Variants in ADAMTS19 observed in about 807,000 individuals in gnomAD.
ADAMTS19 encodes A disintegrin and metalloproteinase with thrombospondin motifs 19.
In ADAMTS19, 93 loss-of-function variants were observed where a neutral mutation model predicts 153.3. That is an observed-to-expected ratio of 0.61 (90% CI 0.51 to 0.72). The LOEUF (loss-of-function observed/expected upper bound fraction) is 0.72. Ranked by LOEUF, ADAMTS19 falls within the 30% of genes least tolerant of loss-of-function variation. ADAMTS19 has a pLI of 0.00. For synonymous variants in ADAMTS19, 600 were observed against 556.6 expected (o/e 1.08, Z -1.10); for missense variants, 1,482 against 1,552.1 (o/e 0.95, Z 0.76).
chr5:129,718,904 G>A lies in ADAMTS19; in HGVS notation c.3312+14513G>A, dbSNP rs528812922. Among the ~76,000 whole-genome samples, 16 of 152,194 alleles carry A rather than the reference G, an allele frequency of 1.1e-4. 1 individual carries two copies. In the South Asian group the frequency reaches 3.3e-3, roughly 32 times the overall value. ...TTAGGAATTCCTATTTCTTACAGAGGCCAGCTGGAAATGAGTAAAGCATAA... is the reference window on the plus strand; with the variant it reads ...TTAGGAATTCCTATTTCTTACAGAGACCAGCTGGAAATGAGTAAAGCATAA... On this transcript the variant is annotated intron_variant, in intron 21 of 22. Transcript: ENST00000274487.
rs185544147 is a variant in ADAMTS19 at position 129,604,871 on chromosome 5, C to T, written c.1478+8207C>T. On this transcript the variant is annotated intron_variant, in intron 8 of 22. Coordinates refer to ENST00000274487, the MANE Select transcript of ADAMTS19 (RefSeq NM_133638.6). The stretch of plus-strand genomic sequence containing the variant: ...TACACACATGCAGAAATGACTACCC[C>T]AGCCCTAAAAGTGTTGCCCCTGAAG... Among the ~76,000 whole-genome samples the T allele has an allele frequency of 3.9e-5, 6 of 152,204 alleles. No homozygotes were observed. In the East Asian group the frequency reaches 1.2e-3, roughly 29 times the overall value.
intron 11 of ADAMTS19, among the ~76,000 whole-genome samples, chr5:129,644,224 C>G (rs1482551884): frequency 2.0e-5 from 3 of 152,154 alleles, no homozygotes; most frequent in Non-Finnish European, 4.4e-5. Flanking sequence ...ATTGAAATAA[C>G]TAATGAACCT....
At chr5:129,587,935 A>G (rs569236446) in intron 7 of ADAMTS19, among the ~76,000 whole-genome samples, 1 of 152,216 alleles carries the variant, frequency 6.6e-6, no homozygotes, top group African/African-American at 2.4e-5. Context: ...GCCTTTAGTG[A>G]TTTTGCTCAC....
chr5:129,712,238 C>T (rs11954424), intron 21 of ADAMTS19, among the ~76,000 whole-genome samples: 2,201 of 152,014 alleles, frequency 0.014, 56 homozygotes, highest in African/African-American at 0.05. Flanking sequence ...ACTATCACAC[C>T]GAAAGCTCTC....
At chr5:129,597,682 G>A (rs902365523) in intron 8 of ADAMTS19, among the ~76,000 whole-genome samples, 1 of 151,880 alleles carries the variant, frequency 6.6e-6, no homozygotes, top group African/African-American at 2.4e-5. Flanking sequence ...CGAGGTGGGC[G>A]GATCACGAGA....
At chr5:129,676,392 G>A (rs1031995602) in intron 16 of ADAMTS19, among the ~76,000 whole-genome samples, 4 of 151,430 alleles carry the variant, frequency 2.6e-5, no homozygotes, top group South Asian at 2.1e-4. Context: ...GCCTTTTTTT[G>A]TTCTCCACTA....
At chr5:129,636,296 C>A (rs191391562) in intron 10 of ADAMTS19, among the ~76,000 whole-genome samples, 65 of 152,270 alleles carry the variant, frequency 4.3e-4, no homozygotes, top group African/African-American at 1.5e-3. Flanking sequence ...ATAGTTGATA[C>A]CTACAAGAGG....
intron 2 of ADAMTS19, among the ~76,000 whole-genome samples, chr5:129,479,584 A>G (rs1750342555): frequency 1.3e-5 from 2 of 152,228 alleles, no homozygotes; most frequent in Admixed American, 1.3e-4. Context: ...CAATCCTGCT[A>G]AAACAAACGT....
At chr5:129,648,459 C>A (rs1284707409) in intron 12 of ADAMTS19, among the ~76,000 whole-genome samples, 1 of 152,092 alleles carries the variant, frequency 6.6e-6, no homozygotes, top group African/African-American at 2.4e-5. Flanking sequence ...GTAAAAACAC[C>A]TCCTTAAAAA....
intron 10 of ADAMTS19, among the ~76,000 whole-genome samples, chr5:129,633,032 T>A (rs1224891043): frequency 6.6e-6 from 1 of 152,094 alleles, no homozygotes; most frequent in Non-Finnish European, 1.5e-5. Context: ...ATTTTTTTGA[T>A]ATAATCTCAC....
intron 18 of ADAMTS19, chr5:129,688,210 T>A (rs1755175406): frequency 6.6e-6 from 1 of 152,126 alleles, no homozygotes; most frequent in Non-Finnish European, 1.5e-5. Flanking sequence ...ATGAATTAAA[T>A]GAGAGTAAGT....
chr5:129,589,445 T>A (rs548593580), intron 7 of ADAMTS19, among the ~76,000 whole-genome samples: 1 of 152,220 alleles, frequency 6.6e-6, no homozygotes, highest in South Asian at 2.1e-4. Flanking sequence ...ATAACGGATA[T>A]ATATGTATAC....
chr5:129,575,728 T>C (rs960274863), intron 7 of ADAMTS19, among the ~76,000 whole-genome samples: 2 of 152,124 alleles, frequency 1.3e-5, no homozygotes, highest in Admixed American at 6.6e-5. Context: ...GTATGACTTT[T>C]TGATTGTGTC....
At chr5:129,488,553 G>A (rs1367660150) in intron 2 of ADAMTS19, among the ~76,000 whole-genome samples, 4 of 151,960 alleles carry the variant, frequency 2.6e-5, no homozygotes, top group Non-Finnish European at 5.9e-5. Context: ...GGTTTTTAAT[G>A]TTACAATTGA....
chr5:129,474,889 T>C (rs1461365929), intron 2 of ADAMTS19, among the ~76,000 whole-genome samples: 1 of 152,210 alleles, frequency 6.6e-6, no homozygotes, highest in African/African-American at 2.4e-5. Context: ...ATATTTGTCA[T>C]CTTTGGTGAA....
intron 2 of ADAMTS19, among the ~76,000 whole-genome samples, chr5:129,499,507 TC>T: frequency 6.6e-6 from 1 of 152,220 alleles, no homozygotes; most frequent in Non-Finnish European, 1.5e-5. Context: ...TTTTAAAATC[TC>T]TATCTCTATT....
intron 2 of ADAMTS19, chr5:129,500,419 C>G (rs904311158): frequency 3.3e-5 from 5 of 152,110 alleles, no homozygotes; most frequent in African/African-American, 1.2e-4. Context: ...TTTCATGGGT[C>G]ACATTTGTGG....
At chr5:129,724,741 G>T (rs1195387682) in intron 21 of ADAMTS19, among the ~76,000 whole-genome samples, 1 of 152,144 alleles carries the variant, frequency 6.6e-6, no homozygotes, top group African/African-American at 2.4e-5. Flanking sequence ...TATAGATGAG[G>T]TTGAGGAGAC....
intron 2 of ADAMTS19, among the ~76,000 whole-genome samples, chr5:129,470,607 A>G (rs1424621970): frequency 6.6e-6 from 1 of 152,208 alleles, no homozygotes; most frequent in Non-Finnish European, 1.5e-5. Context: ...CCAGTGCTAC[A>G]CAGATATTTT....
Sources: allele counts gnomAD v4.1 joint callset (sites outside exome capture counted in the v4.1 genomes callset), GRCh38; gene constraint gnomAD v4.1.1; transcripts MANE v1.5; gene names NCBI Gene and HGNC (gene_info 2026-07-23, HGNC 2026-07-21).